IGSF3: variants seen among roughly 807,000 people sequenced by gnomAD.
IGSF3 encodes glu-Trp-Ile EWI motif-containing protein 3.
In IGSF3, 23 loss-of-function variants were observed where a neutral mutation model predicts 114.4. The observed-to-expected ratio is 0.20, with a 90% confidence interval of 0.14 to 0.28. The LOEUF is 0.28. Ranked by LOEUF, IGSF3 falls within the 10% of genes least tolerant of loss-of-function variation. The probability of loss-of-function intolerance (pLI) is 1.00; values close to 1 mark genes in which losing one functional copy is unlikely to be tolerated. For synonymous variants in IGSF3, 571 were observed against 645.2 expected, an observed-to-expected ratio of 0.88 and a Z score of 1.74; for missense variants, 1,172 against 1,591.5, an observed-to-expected ratio of 0.74 and a Z score of 4.48.
intron 8 of IGSF3, among the ~76,000 whole-genome samples, chr1:116,586,329 G>A (rs1297312450): frequency 6.6e-6 from 1 of 152,042 alleles, no homozygotes; most frequent in Non-Finnish European, 1.5e-5. Context: ...ATTGACTCTG[G>A]TTGTCTCAGG....
At position 116,612,033 on chromosome 1, in the gene IGSF3, C is replaced by G. The variant is rs1661043115; in HGVS notation, c.832+1732G>C. On this transcript the variant is annotated intron_variant, in intron 4 of 10. Transcript: ENST00000369486. This position sits in a 1 kb window ranked among gnomAD's most constrained non-coding sequence, Gnocchi z 4.1. ...AGGGTGAAGTCATCAACTTTTTTTT[C>G]ACTTAGTTTTCCTTTTGCTGGCTTA... is the stretch of plus-strand genomic sequence containing the variant. 6.6e-6 allele frequency among the ~76,000 whole-genome samples: 1 copy of G among 152,094 alleles called. No homozygotes were observed. The highest frequency in any genetic ancestry group is 2.1e-4 in the South Asian group (1 of 4,830).
intron 2 of IGSF3, among the ~76,000 whole-genome samples, chr1:116,663,065 G>T (rs1297949326): frequency 6.6e-6 from 1 of 152,220 alleles, no homozygotes; most frequent in Non-Finnish European, 1.5e-5. Flanking sequence ...CAGGTTCTCA[G>T]ATGTCCCAAT....
intron 2 of IGSF3, among the ~76,000 whole-genome samples, chr1:116,631,970 A>AT (rs1647611103): frequency 1.3e-5 from 2 of 152,204 alleles, no homozygotes; most frequent in Non-Finnish European, 2.9e-5. Flanking sequence ...TGCAGACCCT[A>AT]TAACTCCCAA....
Position 116,577,530 on chromosome 1 carries a change from C to T in IGSF3, c.3367G>A (p.Asp1123Asn), listed in dbSNP as rs759008067. Residue 1123 changes from aspartate to asparagine, a missense_variant, in exon 11 of 11, where the codon GAC becomes AAC. Transcript: ENST00000369486. The surrounding 1 kb of genome is among the most constrained non-coding windows in gnomAD (Gnocchi z 5.7). The stretch of plus-strand genomic sequence containing the variant: ...AAGAAGACGAAGTAGAAGAGTGCGT[C>T]GTTGGAGCAGATGATGGACTGGAGG... ...PTLQSIICSN[D>N]ALFYFVFFYP... is the part of the protein sequence containing the mutation. The T allele has an allele frequency of 9.9e-6, 16 of 1,613,854 alleles. No individual in the cohort carries two copies. Among genetic ancestry groups the T allele is most frequent in the African/African-American group, 1.3e-5 (1 of 74,890 alleles).
Position 116,583,219 on chromosome 1 carries a change from T to C in IGSF3, c.2848+1426A>G, listed in dbSNP as rs1659672591. On this transcript the variant is annotated intron_variant, in intron 9 of 10. Transcript: ENST00000369486. The surrounding 1 kb of genome is among the most constrained non-coding windows in gnomAD (Gnocchi z 4.5). ...AACATCTGTCTCCTCCCACTCCATC[T>C]GGGAGCCTCAGTGTGCTGACCTGCA... Among the ~76,000 whole-genome samples the C allele has an allele frequency of 1.3e-5, 2 of 152,216 alleles. No individual in the cohort carries two copies. Among genetic ancestry groups the C allele is most frequent in the Non-Finnish European group, 2.9e-5 (2 of 68,024 alleles).
At position 116,577,323 on chromosome 1, in the gene IGSF3, C is replaced by A; in HGVS notation, c.3574G>T (p.Ala1192Ser). The change falls in exon 11 of 11, where the codon GCC becomes TCC. Residue 1192 changes from alanine (A) to serine (S), a missense_variant. Physicochemically the swap from Ala to Ser is moderately conservative, Grantham distance 99. Around this residue, in one of 3 missense-constraint regions of IGSF3, gnomAD observed 423 missense variants for 509.8 expected, o/e 0.83. Transcript: ENST00000369486. This position sits in a 1 kb window ranked among gnomAD's most constrained non-coding sequence, Gnocchi z 5.7. ...GGGGCATCACCCGCTTAGTCTATGG[C>A]CCCTGGATGGATACTGAGAACAGGG... is the stretch of plus-strand genomic sequence containing the variant. ...EPPVLSIHPG[A>S]ID 1 of 1,613,830 alleles carries A rather than the reference C, an allele frequency of 6.2e-7. No homozygotes were observed. Among genetic ancestry groups the A allele is most frequent in the Non-Finnish European group, 8.5e-7 (1 of 1,180,006 alleles).
Position 116,666,730 on chromosome 1 carries a change from T to G in IGSF3, c.-404A>C. ...GGCTTCTCAGTGAAGGTGTCTGTGA[T>G]CTCCCTCATTCGGATTCCCCAGAGA... On this transcript the variant is annotated 5_prime_UTR_variant, in exon 2 of 11. Transcript: ENST00000369486. 2.1e-6 allele frequency: 1 copy of G among 466,742 alleles called. No individual in the cohort carries two copies. The highest frequency in any genetic ancestry group is 5.4e-5 in the South Asian group (1 of 18,482). 28.9% of individuals were successfully genotyped at this position (466,742 alleles called of 1,614,324 possible). A position where few individuals can be genotyped will look rare whatever the true frequency, so the allele number is the denominator to read the frequency against.
intron 2 of IGSF3, among the ~76,000 whole-genome samples, chr1:116,646,259 C>G (rs1367533134): frequency 2.6e-5 from 4 of 152,296 alleles, no homozygotes; most frequent in South Asian, 2.1e-4. Flanking sequence ...TCACTTCCCA[C>G]AGGCGAAACA....
rs947810887 is a variant in IGSF3 at position 116,651,347 on chromosome 1, A to C, written c.43+14937T>G. ...CAGGTTCTTTGGGCTACTGACAAGC[A>C]CTCCAGACCCAAATACACATGCTCC... On this transcript the variant is annotated intron_variant, in intron 2 of 10. Transcript: ENST00000369486. The surrounding 1 kb of genome is among the most constrained non-coding windows in gnomAD (Gnocchi z 4.4). Among the ~76,000 whole-genome samples the C allele has an allele frequency of 6.6e-6, 1 of 152,234 alleles. No individual in the cohort carries two copies. The highest frequency in any genetic ancestry group is 2.1e-4 in the South Asian group (1 of 4,826).
chr1:116,605,330 C>T lies in IGSF3; in HGVS notation c.1223-1305G>A, dbSNP rs186474425. On this transcript the variant is annotated intron_variant, in intron 5 of 10. Transcript: ENST00000369486. This position sits in a 1 kb window ranked among gnomAD's most constrained non-coding sequence, Gnocchi z 5.1. ...TTTCCCCAACAAGCAGAAACAAAGA[C>T]GAGCACTGAGCCTCCACATGTAGCT... 6.6e-5 allele frequency among the ~76,000 whole-genome samples: 10 copies of T among 151,812 alleles called. No individual in the cohort carries two copies. In the East Asian group the frequency reaches 1.9e-3, roughly 30 times the overall value.
rs1571157916 is a variant in IGSF3, at chr1:116,613,921, T to G, written c.676A>C (p.Arg226=). ...LGEVRLDKLG[R]TTFRLTIFHL... ...AAGATGGTGAGGCGGAAGGTGGTCCTCCCCAGCTTGTCCAGCCGCACCTCC... is the reference window on the plus strand; with the variant it reads ...AAGATGGTGAGGCGGAAGGTGGTCCGCCCCAGCTTGTCCAGCCGCACCTCC... Residue 226 remains arginine, a synonymous_variant, in exon 4 of 11, where the codon AGG becomes CGG. Coordinates refer to ENST00000369486, the MANE Select transcript of IGSF3 (RefSeq NM_001007237.3). 6.2e-7 allele frequency: 1 copy of G among 1,613,562 alleles called. No individual in the cohort carries two copies. Among genetic ancestry groups the G allele is most frequent in the South Asian group, 1.1e-5 (1 of 91,056 alleles).
chr1:116,574,648 T>C lies in IGSF3; in HGVS notation c.*2664A>G, dbSNP rs1362107950. The C allele has an allele frequency of 2.0e-5, 3 of 152,650 alleles. No homozygotes were observed. Among genetic ancestry groups the C allele is most frequent in the Admixed American group, 2.0e-4 (3 of 15,282 alleles). 9.5% of individuals were successfully genotyped at this position (152,650 alleles called of 1,614,324 possible). A position where few individuals can be genotyped will look rare whatever the true frequency, so the allele number is the denominator to read the frequency against. ...CCCGGTGAAAGAGGGTGTGGTCATA[T>C]TCATGTCCTAGAATGCGCCTAGCAC... On this transcript the variant is annotated 3_prime_UTR_variant, in exon 11 of 11. Transcript: ENST00000369486. This position sits in a 1 kb window ranked among gnomAD's most constrained non-coding sequence, Gnocchi z 5.2.
At position 116,624,860 on chromosome 1, in the gene IGSF3, T is replaced by C. The variant is rs1661527743; in HGVS notation, c.44-8403A>G. ...ACATGGAGAGGCCCTGGGCAGGTGC[T>C]CCAGTCCAGAGCTGGCTCCAGCCAG... On this transcript the variant is annotated intron_variant, in intron 2 of 10. Transcript: ENST00000369486. The surrounding 1 kb of genome is among the most constrained non-coding windows in gnomAD (Gnocchi z 4.9). Among the ~76,000 whole-genome samples the C allele has an allele frequency of 1.3e-5, 2 of 152,120 alleles. No homozygotes were observed.
In IGSF3 at chr1:116,592,331, G is replaced by A. The variant is rs1291616717; in HGVS notation, c.2030-3227C>T. On this transcript the variant is annotated intron_variant, in intron 7 of 10. Transcript: ENST00000369486. This position sits in a 1 kb window ranked among gnomAD's most constrained non-coding sequence, Gnocchi z 4.5. Reference sequence around the variant, plus strand: ...ACCCCCAACAGTGAATTGGCAGGAGGAAGAAAGAATCCAGCAAGAGACAGG... The same window carrying A: ...ACCCCCAACAGTGAATTGGCAGGAGAAAGAAAGAATCCAGCAAGAGACAGG... Among the ~76,000 whole-genome samples the A allele has an allele frequency of 6.6e-6, 1 of 152,192 alleles. No homozygotes were observed. The highest frequency in any genetic ancestry group is 1.5e-5 in the Non-Finnish European group (1 of 68,038).
rs1318887039 is a variant in IGSF3 at position 116,603,603 on chromosome 1, C to T, written c.1624+21G>A. ...AGCTGTCTCCATGCCAGACCCACTG[C>T]CAGTCCCACCGCTCACTCACCAAGA... On this transcript the variant is annotated intron_variant, in intron 6 of 10. Transcript: ENST00000369486. The surrounding 1 kb of genome is among the most constrained non-coding windows in gnomAD (Gnocchi z 7.1). 7.5e-6 allele frequency: 12 copies of T among 1,605,238 alleles called. No individual in the cohort carries two copies. The highest frequency in any genetic ancestry group is 9.4e-6 in the Non-Finnish European group (11 of 1,174,368).
Position 116,579,656 on chromosome 1 carries a change from C to CGTT in IGSF3, c.3069_3070insAAC (p.Asp1023_Asp1024insAsn), listed in dbSNP as rs748093509. On this transcript the variant is annotated inframe_insertion, in exon 10 of 11. Coordinates refer to ENST00000369486, the MANE Select transcript of IGSF3 (RefSeq NM_001007237.3). This position sits in a 1 kb window ranked among gnomAD's most constrained non-coding sequence, Gnocchi z 6.4. ...GCCGTCCGCTCTGTTGGGTCGTCGT[C>CGTT]GTCGTCGTCGTCCTCCTCCTCCTCC... The CGTT allele has an allele frequency of 1.4e-3, 2,257 of 1,581,164 alleles. 12 individuals are homozygous for CGTT. The highest frequency in any genetic ancestry group is 8.7e-4 in the Non-Finnish European group (1,015 of 1,161,798).
intron 2 of IGSF3, among the ~76,000 whole-genome samples, chr1:116,637,649 C>T (rs991761143): frequency 4.6e-5 from 7 of 152,202 alleles, no homozygotes; most frequent in Admixed American, 4.6e-4. Context: ...CTAAAACCCT[C>T]CATCCTTCCC....
In IGSF3 at chr1:116,655,668, A is replaced by T. The variant is rs1008933632; in HGVS notation, c.43+10616T>A. ...GAGGAGTCACTTGGGAATTGAAAAC[A>T]CACGAAAACTTTTTTTCTGGTCCAT... On this transcript the variant is annotated intron_variant, in intron 2 of 10. Transcript: ENST00000369486. The surrounding 1 kb of genome is among the most constrained non-coding windows in gnomAD (Gnocchi z 4.3). 6.6e-6 allele frequency among the ~76,000 whole-genome samples: 1 copy of T among 152,226 alleles called. No homozygotes were observed. Among genetic ancestry groups the T allele is most frequent in the Non-Finnish European group, 1.5e-5 (1 of 68,044 alleles).
At position 116,664,525 on chromosome 1, in the gene IGSF3, C is replaced by A. The variant is rs950968805; in HGVS notation, c.43+1759G>T. Among the ~76,000 whole-genome samples, 2 of 152,226 alleles carry A rather than the reference C, an allele frequency of 1.3e-5. No homozygotes were observed. The highest frequency in any genetic ancestry group is 2.1e-4 in the South Asian group (1 of 4,836). On this transcript the variant is annotated intron_variant, in intron 2 of 10. Coordinates refer to ENST00000369486, the MANE Select transcript of IGSF3 (RefSeq NM_001007237.3). The surrounding 1 kb of genome is among the most constrained non-coding windows in gnomAD (Gnocchi z 4.6). ...CCCTCTTTCCCGCCTTAGCCACACA[C>A]CCCACCCCACATCCAAACCTCCCCA... is the stretch of plus-strand genomic sequence containing the variant.
Sources: allele counts gnomAD v4.1 joint callset (sites outside exome capture counted in the v4.1 genomes callset), GRCh38; gene constraint gnomAD v4.1.1; regional missense constraint gnomAD v4.1.1; non-coding constraint Gnocchi (gnomAD v3.1); transcripts MANE v1.5; gene names NCBI Gene and HGNC (gene_info 2026-07-23, HGNC 2026-07-21).